NCOR1: variants seen among roughly 807,000 people sequenced by gnomAD.
NCOR1 encodes nuclear receptor corepressor 1, also known as protein phosphatase 1, regulatory subunit 109.
NCOR1 carries 63 observed loss-of-function variants against 288.1 expected under a neutral mutation model. The observed-to-expected ratio is 0.22, with a 90% CI of 0.18 to 0.27. The LOEUF (loss-of-function observed/expected upper bound fraction) is 0.27. Among genes scored for constraint, NCOR1 ranks in the 10% least tolerant of loss-of-function variants. The probability of loss-of-function intolerance (pLI) is 1.00; values close to 1 mark genes in which losing one functional copy is unlikely to be tolerated. For synonymous variants in NCOR1, 1,007 were observed against 1,065.9 expected, an observed-to-expected ratio of 0.94 and a Z score of 1.08; for missense variants, 2,397 against 3,019.2, an observed-to-expected ratio of 0.79 and a Z score of 4.83.
intron 42 of NCOR1, among the ~76,000 whole-genome samples, chr17:16,044,168 CAA>C (rs34691717): frequency 3.9e-4 from 32 of 82,786 alleles, no homozygotes; most frequent in African/African-American, 1.3e-3. Context: ...GACTCCATCT[CAA>C]AAAAAAAAAA....
At chr17:16,085,626 A>C (rs2064110769) in intron 23 of NCOR1, among the ~76,000 whole-genome samples, 1 of 152,258 alleles carries the variant, frequency 6.6e-6, no homozygotes, top group Non-Finnish European at 1.5e-5. Flanking sequence ...ACCATGTTTG[A>C]TTCCATTCAC....
chr17:16,201,310 T>TA (rs1162791527), intron 1 of NCOR1, among the ~76,000 whole-genome samples: 2 of 152,148 alleles, frequency 1.3e-5, no homozygotes, highest in African/African-American at 4.8e-5. Context: ...ACTCAATAAG[T>TA]AATTCTGGCC....
chr17:16,056,905 C>CATATAT (rs374036500), intron 40 of NCOR1: 7 of 150,020 alleles, frequency 4.7e-5, no homozygotes, highest in African/African-American at 1.5e-4. Flanking sequence ...TACATATATA[C>CATATAT]ATATATATAT....
In NCOR1 at chr17:16,194,474, G is replaced by A. The variant is rs75360338; in HGVS notation, c.96C>T (p.Thr32=). ...ATCTGTTCCTTACCTGCTGGTGGCG[G>A]GTGTTGGGAAATGTATACTGGACAG... The part of the protein sequence containing the change: ...PHSVQYTFPN[T]RHQQEFAVPD... Residue 32 remains threonine (T), a synonymous_variant, in exon 2 of 46, where the codon ACC becomes ACT. Coordinates refer to ENST00000268712, the MANE Select transcript of NCOR1 (RefSeq NM_006311.4). 1,546 of 1,602,320 alleles carry A rather than the reference G, an allele frequency of 9.6e-4. 17 individuals carry two copies. The African/African-American group carries it at 0.018, about 19-fold the overall frequency.
intron 20 of NCOR1, among the ~76,000 whole-genome samples, chr17:16,099,427 T>C (rs2067215174): frequency 6.6e-6 from 1 of 152,204 alleles, no homozygotes; most frequent in Non-Finnish European, 1.5e-5. Context: ...TAAAGAAAGA[T>C]TATATTAAAG....
chr17:16,106,024 C>T (rs2068559861), intron 19 of NCOR1, among the ~76,000 whole-genome samples: 1 of 152,016 alleles, frequency 6.6e-6, no homozygotes, highest in Non-Finnish European at 1.5e-5. Context: ...TGCTTGAACC[C>T]GGGAAGCAGA....
intron 11 of NCOR1, 125 bp downstream of exon 11, chr17:16,143,481 T>C (rs141518310): frequency 4.5e-6 from 3 of 670,806 alleles, no homozygotes; most frequent in Admixed American, 2.9e-5. Context: ...CTCAAATCTT[T>C]GACAGTCTAA....
intron 2 of NCOR1, among the ~76,000 whole-genome samples, chr17:16,187,948 G>A (rs1477323849): frequency 6.7e-6 from 1 of 150,298 alleles, no homozygotes; most frequent in Non-Finnish European, 1.5e-5. Flanking sequence ...CAAATCCATA[G>A]AAACAGAAAA....
intron 42 of NCOR1, chr17:16,044,445 G>T: frequency 2.1e-6 from 1 of 472,006 alleles, no homozygotes; most frequent in Non-Finnish European, 4.4e-6. Context: ...CTTTTGACAG[G>T]ATCAGGAGAC....
intron 3 of NCOR1, 104 bp downstream of exon 3, chr17:16,186,450 C>A: frequency 3.4e-6 from 4 of 1,170,398 alleles, no homozygotes; most frequent in Non-Finnish European, 4.7e-6. Flanking sequence ...CTATAAATGA[C>A]CAGTCATGGC....
intron 1 of NCOR1, among the ~76,000 whole-genome samples, chr17:16,201,074 T>G (rs1388360532): frequency 6.6e-6 from 1 of 152,240 alleles, no homozygotes; most frequent in Non-Finnish European, 1.5e-5. Context: ...AAAAAGCTAC[T>G]GCTTCTCAGC....
At chr17:16,169,229 G>A (rs963137205) in intron 4 of NCOR1, among the ~76,000 whole-genome samples, 2 of 151,996 alleles carry the variant, frequency 1.3e-5, no homozygotes, top group Non-Finnish European at 2.9e-5. Context: ...TGGACACACT[G>A]CCTTATGGGT....
At chr17:16,189,971 G>C (rs1273992180) in intron 2 of NCOR1, among the ~76,000 whole-genome samples, 1 of 152,174 alleles carries the variant, frequency 6.6e-6, no homozygotes, top group African/African-American at 2.4e-5. Context: ...GCTGCTTCAT[G>C]CCTATAATCC....
At chr17:16,118,335 T>C (rs986505995) in intron 17 of NCOR1, among the ~76,000 whole-genome samples, 3 of 152,146 alleles carry the variant, frequency 2.0e-5, no homozygotes, top group Admixed American at 6.5e-5. Context: ...CTCAAATACT[T>C]GCAAACTAAA....
Position 16,029,428 on chromosome 17 carries a change from G to A in NCOR1, c.*2868C>T. 1 of 277,586 alleles carries A rather than the reference G, an allele frequency of 3.6e-6. No homozygotes were observed. Among genetic ancestry groups the A allele is most frequent in the Non-Finnish European group, 7.2e-6 (1 of 139,138 alleles). The allele number at this position is 277,586 out of a possible 1,614,324, so 17.2% of individuals were successfully genotyped here. A position where few individuals can be genotyped will look rare whatever the true frequency, so the allele number is the denominator to read the frequency against. ...TCCAATGGTCACTGGAGTTTTCTGGGCATAAATATTTTTAAAATAGAATCA... is the reference window on the plus strand; with the variant it reads ...TCCAATGGTCACTGGAGTTTTCTGGACATAAATATTTTTAAAATAGAATCA... On this transcript the variant is annotated 3_prime_UTR_variant, in exon 46 of 46. Coordinates refer to ENST00000268712, the MANE Select transcript of NCOR1 (RefSeq NM_006311.4).
intron 1 of NCOR1, among the ~76,000 whole-genome samples, chr17:16,208,614 G>C (rs916363067): frequency 2.6e-5 from 4 of 151,790 alleles, no homozygotes; most frequent in Admixed American, 1.3e-4. Context: ...ACTTCAGGAG[G>C]CCAAGGTGGG....
intron 40 of NCOR1, among the ~76,000 whole-genome samples, chr17:16,056,093 A>G (rs915255100): frequency 1.7e-5 from 2 of 118,650 alleles, no homozygotes; most frequent in African/African-American, 5.2e-5. Context: ...AAAGAAGACC[A>G]TTTAGCTTCT....
chr17:16,155,737 G>C (rs2079649058), intron 6 of NCOR1, among the ~76,000 whole-genome samples: 1 of 152,076 alleles, frequency 6.6e-6, no homozygotes. Flanking sequence ...TGCCACCCAA[G>C]AAATAAGAGG....
intron 35 of NCOR1, among the ~76,000 whole-genome samples, 180 bp downstream of exon 35, chr17:16,063,888 A>T (rs1305006764): frequency 6.6e-6 from 1 of 152,222 alleles, no homozygotes; most frequent in Non-Finnish European, 1.5e-5. Context: ...TCCGTGTAAA[A>T]TTCACGTTTC....
Sources: allele counts gnomAD v4.1 joint callset (sites outside exome capture counted in the v4.1 genomes callset), GRCh38; gene constraint gnomAD v4.1.1; transcripts MANE v1.5; gene names NCBI Gene and HGNC (gene_info 2026-07-23, HGNC 2026-07-21).